Variants in KRT79 observed in about 807,000 individuals in gnomAD.
The protein encoded by KRT79 is keratin 79.
A neutral mutation model predicts 49.0 loss-of-function variants in KRT79; 51 were observed. That is an observed-to-expected ratio of 1.04 (90% confidence interval 0.83 to 1.31). The LOEUF is 1.31. Among genes scored for constraint, KRT79 ranks in the 40% most tolerant of loss-of-function variants. The pLI is 0.00. For missense variants in KRT79, 728 were observed against 688.0 expected, an observed-to-expected ratio of 1.06 and a Z score of -0.65; for synonymous variants, 312 against 286.6, an observed-to-expected ratio of 1.09 and a Z score of -0.90.
In KRT79 at chr12:52,834,265, G is replaced by T; in HGVS notation, c.-5C>A. Reference sequence around the variant, plus strand: ...CCGAGAGACGGAGGACCTCATAGCTGCAGAGGGGCCGGAGGGCAGGATGAG... The same window carrying T: ...CCGAGAGACGGAGGACCTCATAGCTTCAGAGGGGCCGGAGGGCAGGATGAG... On this transcript the variant is annotated 5_prime_UTR_variant, in exon 1 of 9. Coordinates refer to ENST00000330553, the MANE Select transcript of KRT79 (RefSeq NM_175834.3). The T allele has an allele frequency of 6.2e-7, 1 of 1,609,236 alleles. No homozygotes were observed. The highest frequency in any genetic ancestry group is 1.1e-5 in the South Asian group (1 of 90,952).
In KRT79 at chr12:52,824,311, T is replaced by C. The variant is rs1940147057; in HGVS notation, c.907A>G (p.Met303Val). ...HVSNTNVVLS[M>V]DNNRNLDLDS... Reference sequence around the variant, plus strand: ...AGGTCCAGGTTGCGGTTGTTGTCCATGGACAGCACCACATTGGTGTTAGAC... The same window carrying C: ...AGGTCCAGGTTGCGGTTGTTGTCCACGGACAGCACCACATTGGTGTTAGAC... Residue 303 changes from methionine (M) to valine (V), a missense_variant, in exon 5 of 9, where the codon ATG becomes GTG. Transcript: ENST00000330553. 3 of 1,614,088 alleles carry C rather than the reference T, an allele frequency of 1.9e-6. No homozygotes were observed. The African/African-American group carries it at 4.0e-5, about 22-fold the overall frequency.
Position 52,822,019 on chromosome 12 carries a change from G to T in KRT79, c.1461C>A (p.Gly487=). 1 of 1,613,974 alleles carries T rather than the reference G, an allele frequency of 6.2e-7. No homozygotes were observed. Among genetic ancestry groups the T allele is most frequent in the Non-Finnish European group, 8.5e-7 (1 of 1,179,920 alleles). The change falls in exon 9 of 9, where the codon GGC becomes GGA. Residue 487 remains glycine (G), a synonymous_variant. Transcript: ENST00000330553. ...CGGGAASFGG[G]ISLGGSGGAT... is the part of the protein sequence containing the mutation. ...CCCCCCCACTCCCACCCAGGGAGAT[G>T]CCACCTCCAAAGCTGGCTGCGCCAC...
rs757564624 is a variant in KRT79 at position 52,830,134 on chromosome 12, C to A, written c.760-16G>T. ...CATCCACATCCTGGGGACGAGAGAG[C>A]AAGACAGATCCTCAGGCCCCAGGGA... On this transcript the variant is annotated splice_polypyrimidine_tract_variant and intron_variant, in intron 3 of 8. Transcript: ENST00000330553. 1 of 1,613,736 alleles carries A rather than the reference C, an allele frequency of 6.2e-7. No homozygotes were observed.
At chr12:52,824,945 G>A (rs982783890) in intron 4 of KRT79, among the ~76,000 whole-genome samples, 1 of 152,218 alleles carries the variant, frequency 6.6e-6, no homozygotes, top group Non-Finnish European at 1.5e-5. Context: ...AGCCCAAGTG[G>A]TTTCCTCTAG....
At chr12:52,823,850 C>A in intron 6 of KRT79, 37 bp downstream of exon 6, 1 of 1,598,638 alleles carries the variant, frequency 6.3e-7, no homozygotes, top group Middle Eastern at 2.1e-4. Context: ...CCTGCCAACA[C>A]CTAGGCCAGA....
At chr12:52,829,270 C>T (rs919933400) in intron 4 of KRT79, among the ~76,000 whole-genome samples, 4 of 152,134 alleles carry the variant, frequency 2.6e-5, no homozygotes, top group East Asian at 1.9e-4. Flanking sequence ...AATCTACCCA[C>T]GCCTCACCTT....
intron 7 of KRT79, 64 bp downstream of exon 7, chr12:52,822,952 C>T: frequency 1.3e-6 from 2 of 1,536,052 alleles, no homozygotes; most frequent in Non-Finnish European, 8.8e-7. Flanking sequence ...GGAGCAGACT[C>T]CCTGGGCTCT....
Position 52,834,213 on chromosome 12 carries a change from G to A in KRT79, c.48C>T (p.Phe16=). The change falls in exon 1 of 9, where the codon TTC becomes TTT. Residue 16 remains phenylalanine (F), a synonymous_variant. Transcript: ENST00000330553. ...TCCCTCCGCTGGCAGAGTTGGAGCTGAAGCCCCCTTTTGTGGAGTATGTTT... is the reference window on the plus strand; with the variant it reads ...TCCCTCCGCTGGCAGAGTTGGAGCTAAAGCCCCCTTTTGTGGAGTATGTTT... ...SRQTYSTKGG[F]SSNSASGGSG... is the part of the protein sequence containing the mutation. 6.2e-7 allele frequency: 1 copy of A among 1,613,898 alleles called. No homozygotes were observed.
chr12:52,823,643 G>T (rs1940133157), intron 6 of KRT79, among the ~76,000 whole-genome samples: 1 of 152,182 alleles, frequency 6.6e-6, no homozygotes, highest in South Asian at 2.1e-4. Context: ...CTGGAGATGG[G>T]ATGGATCAGT....
At chr12:52,824,712 C>T (rs1940153480) in intron 4 of KRT79, among the ~76,000 whole-genome samples, 1 of 152,324 alleles carries the variant, frequency 6.6e-6, no homozygotes, top group South Asian at 2.1e-4. Context: ...AGCTGGCAGG[C>T]CCATGGCAGG....
intron 2 of KRT79, 142 bp from the exon 3 acceptor site, chr12:52,830,434 C>T (rs1940236454): frequency 4.6e-6 from 3 of 658,496 alleles, no homozygotes; most frequent in East Asian, 5.3e-5. Context: ...TGTAGCCAAC[C>T]AGTGAAGAAA....
In KRT79 at chr12:52,833,833, C is replaced by T. The variant is rs200223773; in HGVS notation, c.428G>A (p.Arg143Gln). The change falls in exon 1 of 9, where the codon CGG (arginine) becomes CAG (glutamine). Residue 143 changes from arginine to glutamine, a missense_variant. By Grantham distance (43) the Arg-to-Gln change is conservative (BLOSUM62 1). Coordinates refer to ENST00000330553, the MANE Select transcript of KRT79 (RefSeq NM_175834.3). ...GTTGTTGAGGGTCTTGATCTGCTCC[C>T]GCTCCTGAGTGCGCACTCGCTGGAT... ...PEIQRVRTQEREQIKTLNNKF... is the reference protein window; with the variant it reads ...PEIQRVRTQEQEQIKTLNNKF... The T allele has an allele frequency of 1.6e-4, 260 of 1,613,882 alleles. No individual in the cohort carries two copies. The Middle Eastern group carries it at 1.8e-3, about 11-fold the overall frequency.
At chr12:52,832,772 T>C (rs1237663355) in intron 1 of KRT79, among the ~76,000 whole-genome samples, 1 of 152,004 alleles carries the variant, frequency 6.6e-6, no homozygotes, top group Non-Finnish European at 1.5e-5. Context: ...AACCACAGAG[T>C]CCAGGGGCCT....
Position 52,833,799 on chromosome 12 carries a change from G to C in KRT79, c.462C>G (p.Ala154=). Residue 154 remains alanine, a synonymous_variant, in exon 1 of 9, where the codon GCC becomes GCG. Coordinates refer to ENST00000330553, the MANE Select transcript of KRT79 (RefSeq NM_175834.3). ...CTTGGCCCACCTTGTCGATGAAGGA[G>C]GCGAACTTGTTGTTGAGGGTCTTGA... The part of the protein sequence containing the change: ...EQIKTLNNKF[A]SFIDKVRFLE... 6.2e-7 allele frequency: 1 copy of C among 1,613,840 alleles called. No individual in the cohort carries two copies. Among genetic ancestry groups the C allele is most frequent in the Non-Finnish European group, 8.5e-7 (1 of 1,179,922 alleles).
chr12:52,824,401 C>T, intron 4 of KRT79, 39 bp from the exon 5 acceptor site: 1 of 1,601,522 alleles, frequency 6.2e-7, no homozygotes, highest in Non-Finnish European at 8.5e-7. Context: ...CACCCCTGCT[C>T]CAGGCCCCAG....
intron 4 of KRT79, among the ~76,000 whole-genome samples, chr12:52,826,788 G>GT: frequency 6.6e-6 from 1 of 152,242 alleles, no homozygotes; most frequent in Middle Eastern, 3.4e-3. Flanking sequence ...GTGATAGGTG[G>GT]TTCATCCCCC....
Position 52,834,299 on chromosome 12 carries a change from A to G in KRT79, c.-39T>C, listed in dbSNP as rs769657471. 1.3e-6 allele frequency: 2 copies of G among 1,533,610 alleles called. No homozygotes were observed. The highest frequency in any genetic ancestry group is 1.8e-6 in the Non-Finnish European group (2 of 1,109,366). On this transcript the variant is annotated 5_prime_UTR_variant, in exon 1 of 9. Coordinates refer to ENST00000330553, the MANE Select transcript of KRT79 (RefSeq NM_175834.3). Reference sequence around the variant, plus strand: ...CCGGAGGGCAGGATGAGAGGGCAGGAAGGGAGTGCCGTGAGCTGCTGGGCC... The same window carrying G: ...CCGGAGGGCAGGATGAGAGGGCAGGGAGGGAGTGCCGTGAGCTGCTGGGCC...
intron 1 of KRT79, among the ~76,000 whole-genome samples, chr12:52,833,123 T>C (rs2682289): frequency 0.6 from 91,962 of 152,010 alleles, 28,336 homozygotes; most frequent in African/African-American, 0.73. Context: ...GTTCAGGGCA[T>C]GCCTATGGGC....
intron 8 of KRT79, 106 bp from the exon 9 acceptor site, chr12:52,822,183 T>C (rs746959993): frequency 9.6e-6 from 13 of 1,348,288 alleles, no homozygotes; most frequent in Non-Finnish European, 1.4e-5. Context: ...AGCAGAGCTA[T>C]GGGAAATGGA....
Sources: allele counts gnomAD v4.1 joint callset (sites outside exome capture counted in the v4.1 genomes callset), GRCh38; gene constraint gnomAD v4.1.1; transcripts MANE v1.5; gene names NCBI Gene and HGNC (gene_info 2026-07-23, HGNC 2026-07-21).